MACROD2: variants seen among roughly 807,000 people sequenced by gnomAD.
MACROD2 encodes mono-ADP ribosylhydrolase 2, also known as ADP-ribose glycohydrolase MACROD2.
Under a neutral mutation model 70.4 loss-of-function variants are expected in MACROD2, and 36 were observed. The observed-to-expected ratio is 0.51, with a 90% CI of 0.39 to 0.68. The LOEUF (loss-of-function observed/expected upper bound fraction) is 0.68. Ranked by LOEUF, MACROD2 falls within the 30% of genes least tolerant of loss-of-function variation. MACROD2 has a pLI of 0.00. For missense variants in MACROD2, 496 were observed against 538.4 expected, an observed-to-expected ratio of 0.92 and a Z score of 0.78; for synonymous variants, 172 against 178.8, an observed-to-expected ratio of 0.96 and a Z score of 0.30.
chr20:14,826,252 A>G (rs2072901455), intron 5 of MACROD2, among the ~76,000 whole-genome samples: 1 of 151,974 alleles, frequency 6.6e-6, no homozygotes, highest in Non-Finnish European at 1.5e-5. Flanking sequence ...ACAAGCCTGA[A>G]CCCACAATAC....
chr20:15,474,656 A>G (rs759641854), intron 7 of MACROD2, among the ~76,000 whole-genome samples: 1 of 152,214 alleles, frequency 6.6e-6, no homozygotes, highest in African/African-American at 2.4e-5. Context: ...TACAAATCAG[A>G]GAAAAACCAC....
In MACROD2 at chr20:14,187,139, GAAAAAAAA is replaced by G. The variant is rs71335951; in HGVS notation, c.271+101422_271+101429del. ...GAAAGAATGCAAAAGTTTAAAAAAG[GAAAAAAAA>G]AAAAAAAAAAGAAATGTGGTAGATG... On this transcript the variant is annotated intron_variant, in intron 3 of 17. Coordinates refer to ENST00000684519, the MANE Select transcript of MACROD2 (RefSeq NM_001351661.2). Among the ~76,000 whole-genome samples the G allele has an allele frequency of 5.6e-3, 630 of 112,986 alleles. 3 individuals are homozygous for G. Among genetic ancestry groups the G allele is most frequent in the Non-Finnish European group, 7.5e-3 (408 of 54,360 alleles). The allele number at this position is 112,986 out of a possible 152,430, so 74.1% of individuals were successfully genotyped here. A position where few individuals can be genotyped will look rare whatever the true frequency, so the allele number is the denominator to read the frequency against.
chr20:16,037,911 G>C (rs774153090), intron 15 of MACROD2, among the ~76,000 whole-genome samples: 1 of 151,842 alleles, frequency 6.6e-6, no homozygotes. Flanking sequence ...GAAGGTCTTT[G>C]TCCACATTAC....
chr20:15,808,934 C>T (rs542185928), intron 8 of MACROD2, among the ~76,000 whole-genome samples: 110 of 152,156 alleles, frequency 7.2e-4, no homozygotes, highest in African/African-American at 2.6e-3. Context: ...AAACCATTAT[C>T]CTAACTATGG....
At chr20:15,584,239 AT>A (rs1568910138) in intron 8 of MACROD2, among the ~76,000 whole-genome samples, 1 of 152,134 alleles carries the variant, frequency 6.6e-6, no homozygotes, top group African/African-American at 2.4e-5. Context: ...GTTTACATGT[AT>A]TTTTTAAAAG....
intron 8 of MACROD2, among the ~76,000 whole-genome samples, chr20:15,524,961 A>T (rs2146536084): frequency 6.6e-6 from 1 of 152,332 alleles, no homozygotes; most frequent in African/African-American, 2.4e-5. Context: ...AGGCTCTGGC[A>T]GCCCAGGCTA....
chr20:14,988,255 T>A (rs2074866872), intron 5 of MACROD2, among the ~76,000 whole-genome samples: 1 of 148,506 alleles, frequency 6.7e-6, no homozygotes, highest in South Asian at 2.2e-4. Context: ...TTTCAACTAC[T>A]CGGGAGGTTG....
chr20:14,171,007 A>G (rs1211290127), intron 3 of MACROD2, among the ~76,000 whole-genome samples: 1 of 152,232 alleles, frequency 6.6e-6, no homozygotes, highest in East Asian at 1.9e-4. Context: ...TAAAATTACC[A>G]TTTCAGTCTC....
At chr20:14,545,661 C>T (rs890814474) in intron 4 of MACROD2, among the ~76,000 whole-genome samples, 7 of 152,168 alleles carry the variant, frequency 4.6e-5, no homozygotes, top group South Asian at 2.1e-4. Flanking sequence ...TTCATAACAT[C>T]TAAATGCTTT....
chr20:15,363,308 A>C (rs1215489464), intron 6 of MACROD2, among the ~76,000 whole-genome samples: 1 of 152,252 alleles, frequency 6.6e-6, no homozygotes, highest in African/African-American at 2.4e-5. Flanking sequence ...CCAATTCAGC[A>C]GTCTGTTAAA....
At chr20:15,124,350 G>GT (rs10661683) in intron 5 of MACROD2, among the ~76,000 whole-genome samples, 73,798 of 144,088 alleles carry the variant, frequency 0.51, 19,020 homozygotes, top group Non-Finnish European at 0.53. Flanking sequence ...TAATTTCCTA[G>GT]TTTTTTTTTT....
intron 15 of MACROD2, among the ~76,000 whole-genome samples, chr20:16,029,312 G>C (rs897018935): frequency 2.0e-5 from 3 of 152,148 alleles, no homozygotes; most frequent in African/African-American, 7.2e-5. Context: ...ACCATCATTT[G>C]AAAAATATTC....
intron 5 of MACROD2, among the ~76,000 whole-genome samples, chr20:15,100,651 G>A (rs987628062): frequency 6.6e-6 from 1 of 152,148 alleles, no homozygotes; most frequent in East Asian, 1.9e-4. Flanking sequence ...TAGTTGGCTA[G>A]GTTTTTTTGT....
intron 9 of MACROD2, among the ~76,000 whole-genome samples, chr20:15,876,332 C>T (rs898014235): frequency 1.3e-5 from 2 of 151,890 alleles, no homozygotes; most frequent in African/African-American, 4.8e-5. Flanking sequence ...TCTCATTGTT[C>T]AATTCCCACC....
At chr20:14,339,231 GATTGCACTT>G (rs2082987267) in intron 3 of MACROD2, among the ~76,000 whole-genome samples, 1 of 152,162 alleles carries the variant, frequency 6.6e-6, no homozygotes. Context: ...ATTGTTCTAT[GATTGCACTT>G]TTGTGGGCCT....
chr20:14,150,268 T>C (rs1249626657), intron 3 of MACROD2, among the ~76,000 whole-genome samples: 1 of 152,176 alleles, frequency 6.6e-6, no homozygotes, highest in Non-Finnish European at 1.5e-5. Flanking sequence ...CAGGACTAAA[T>C]TAAAAATAGG....
chr20:14,152,544 A>T (rs1337541803), intron 3 of MACROD2, among the ~76,000 whole-genome samples: 1 of 150,896 alleles, frequency 6.6e-6, no homozygotes, highest in African/African-American at 2.4e-5. Flanking sequence ...CTCCTGCCTC[A>T]TCCTCTTGAG....
At chr20:15,063,157 A>G (rs904865836) in intron 5 of MACROD2, among the ~76,000 whole-genome samples, 5 of 152,208 alleles carry the variant, frequency 3.3e-5, no homozygotes, top group African/African-American at 1.2e-4. Context: ...CCCAGCTCAC[A>G]GGGCCATGAA....
intron 5 of MACROD2, among the ~76,000 whole-genome samples, chr20:14,956,737 AT>A (rs2074540215): frequency 6.6e-6 from 1 of 152,162 alleles, no homozygotes; most frequent in Non-Finnish European, 1.5e-5. Context: ...AAATCATAAA[AT>A]TTTAGTGTTA....
Sources: allele counts gnomAD v4.1 joint callset (sites outside exome capture counted in the v4.1 genomes callset), GRCh38; gene constraint gnomAD v4.1.1; transcripts MANE v1.5; gene names NCBI Gene and HGNC (gene_info 2026-07-23, HGNC 2026-07-21).